Variants in RASSF3 observed in about 807,000 individuals in gnomAD.
RASSF3 encodes the protein ras association domain-containing protein 3.
In RASSF3, 19 loss-of-function variants were observed where a neutral mutation model predicts 19.9. The observed-to-expected ratio is 0.96, with a 90% confidence interval of 0.67 to 1.40. The LOEUF (loss-of-function observed/expected upper bound fraction) is 1.40, where lower values mean the gene tolerates loss of function less well. Ranked by LOEUF, RASSF3 falls within the 40% of genes most tolerant of loss-of-function variation. The pLI is 0.00. For missense variants in RASSF3, 306 were observed against 289.8 expected (o/e 1.06, Z -0.41); for synonymous variants, 110 against 104.2 (o/e 1.06, Z -0.34).
chr12:64,516,523 G>C (rs1010834190), intron 1 of RASSF3, among the ~76,000 whole-genome samples: 35 of 150,108 alleles, frequency 2.3e-4, no homozygotes, highest in African/African-American at 8.3e-4. Context: ...GGAGGCTGAG[G>C]CAGGAGAATG....
At chr12:64,573,566 T>C in intron 2 of RASSF3, among the ~76,000 whole-genome samples, 1 of 152,192 alleles carries the variant, frequency 6.6e-6, no homozygotes, top group African/African-American at 2.4e-5. Context: ...TATAAATTCA[T>C]TTAATGCCCC....
chr12:64,510,749 A>G (rs1473289737), intron 1 of RASSF3, among the ~76,000 whole-genome samples: 1 of 152,194 alleles, frequency 6.6e-6, no homozygotes, highest in Admixed American at 6.5e-5. Context: ...TTGAAGGAGA[A>G]TGGGGAGGGG....
intron 1 of RASSF3, among the ~76,000 whole-genome samples, chr12:64,671,908 CAA>C (rs1462624386): frequency 2.6e-5 from 4 of 152,194 alleles, no homozygotes; most frequent in African/African-American, 9.7e-5. Context: ...ACAGACTTAT[CAA>C]AGAGCCATCT....
chr12:64,647,233 TTTTATTTA>T (rs138759867), intron 1 of RASSF3, among the ~76,000 whole-genome samples: 1 of 151,082 alleles, frequency 6.6e-6, no homozygotes, highest in African/African-American at 2.4e-5. Context: ...TCAGCAAGGG[TTTTATTTA>T]TTTATTTATT....
chr12:64,547,765 C>G (rs1311986752), intron 2 of RASSF3, among the ~76,000 whole-genome samples: 1 of 151,966 alleles, frequency 6.6e-6, no homozygotes, highest in Non-Finnish European at 1.5e-5. Flanking sequence ...TCAAATTCTT[C>G]CCCCCCACAA....
chr12:64,603,009 G>C (rs1250008189), intron 2 of RASSF3, among the ~76,000 whole-genome samples: 1 of 152,168 alleles, frequency 6.6e-6, no homozygotes. Flanking sequence ...TGAGGCAGGA[G>C]AATCGCTTGA....
At chr12:64,629,278 T>A (rs1486452861) in intron 1 of RASSF3, among the ~76,000 whole-genome samples, 1 of 145,132 alleles carries the variant, frequency 6.9e-6, no homozygotes, top group Non-Finnish European at 1.5e-5. Flanking sequence ...ATTTTTCGTA[T>A]TTTTTTTTTT....
chr12:64,526,697 C>T (rs1373215866), intron 1 of RASSF3, among the ~76,000 whole-genome samples: 2 of 152,136 alleles, frequency 1.3e-5, no homozygotes, highest in African/African-American at 2.4e-5. Flanking sequence ...GCACATGCCA[C>T]GTTGCTTGGA....
chr12:64,600,010 CGA>C (rs1215737589), intron 2 of RASSF3, among the ~76,000 whole-genome samples: 10 of 113,080 alleles, frequency 8.8e-5, no homozygotes, highest in South Asian at 8.4e-4. Context: ...CCAGCCTGGG[CGA>C]GAGAGAGAGA....
chr12:64,693,716 A>G (rs770547825), intron 4 of RASSF3, among the ~76,000 whole-genome samples: 1 of 152,216 alleles, frequency 6.6e-6, no homozygotes, highest in Non-Finnish European at 1.5e-5. Context: ...TATAGGCATG[A>G]GCCACAATGC....
intron 2 of RASSF3, among the ~76,000 whole-genome samples, chr12:64,560,511 C>T (rs1261089421): frequency 6.6e-6 from 1 of 152,200 alleles, no homozygotes; most frequent in Non-Finnish European, 1.5e-5. Flanking sequence ...GCACTGCATT[C>T]TCCTCCACCA....
chr12:64,607,087 G>C (rs1003062383), upstream of RASSF3, among the ~76,000 whole-genome samples: 1 of 151,820 alleles, frequency 6.6e-6, no homozygotes, highest in African/African-American at 2.4e-5. Flanking sequence ...ATCAAGACCA[G>C]CCTGGGCAAC....
At chr12:64,577,464 C>T (rs1319955087) in intron 2 of RASSF3, among the ~76,000 whole-genome samples, 1 of 152,218 alleles carries the variant, frequency 6.6e-6, no homozygotes. Flanking sequence ...GGTTTGGTGG[C>T]TCATGCCTAT....
At chr12:64,587,617 G>A (rs540601759) in intron 2 of RASSF3, among the ~76,000 whole-genome samples, 10 of 152,252 alleles carry the variant, frequency 6.6e-5, no homozygotes, top group East Asian at 1.9e-4. Context: ...AGGTGTCGCC[G>A]TCTTCCTCTC....
At chr12:64,578,702 C>A (rs533507617) in intron 2 of RASSF3, among the ~76,000 whole-genome samples, 11 of 152,266 alleles carry the variant, frequency 7.2e-5, no homozygotes, top group African/African-American at 2.4e-4. Flanking sequence ...TACCCAAGGT[C>A]GTGAAACTAA....
intron 1 of RASSF3, among the ~76,000 whole-genome samples, chr12:64,662,062 GGA>G (rs1238079166): frequency 2.0e-5 from 3 of 151,690 alleles, no homozygotes; most frequent in South Asian, 2.1e-4. Context: ...AGACAAAAAT[GGA>G]GAGAGAGAGA....
chr12:64,607,858 G>A (rs1419431871), upstream of RASSF3, among the ~76,000 whole-genome samples: 1 of 152,090 alleles, frequency 6.6e-6, no homozygotes, highest in African/African-American at 2.4e-5. Flanking sequence ...CTGGGCTCAA[G>A]TGATCCTTCC....
intron 1 of RASSF3, among the ~76,000 whole-genome samples, chr12:64,513,675 C>T (rs1868342502): frequency 6.6e-6 from 1 of 152,002 alleles, no homozygotes; most frequent in Non-Finnish European, 1.5e-5. Context: ...GCAAGGTTCC[C>T]CTCCCAGTTG....
upstream of RASSF3, among the ~76,000 whole-genome samples, chr12:64,610,358 G>A (rs534629042): frequency 5.7e-4 from 86 of 149,688 alleles, 2 homozygotes; most frequent in East Asian, 0.014. Context: ...GGGCGGGGAG[G>A]GTCGCGGCCG....
Sources: gnomAD v4.1 joint callset for allele counts (sites outside exome capture counted in the v4.1 genomes callset) on GRCh38, gnomAD v4.1.1 for gene constraint, MANE v1.5 for transcripts, NCBI Gene and HGNC (gene_info 2026-07-23, HGNC 2026-07-21) for gene names.